AASS: variants seen among roughly 807,000 people sequenced by gnomAD.
AASS encodes the protein alpha-aminoadipic semialdehyde synthase, mitochondrial.
A neutral mutation model predicts 105.4 loss-of-function variants in AASS; 86 were observed. The ratio of observed to expected loss-of-function variants is 0.82; its 90% CI spans 0.69 to 0.98. The LOEUF (loss-of-function observed/expected upper bound fraction) is 0.98. AASS is among the 50% of genes least tolerant of loss of function. The pLI is 0.00. For synonymous variants in AASS, 381 were observed against 394.8 expected (o/e 0.96, Z 0.41); for missense variants, 1,048 against 1,143.2 (o/e 0.92, Z 1.20).
intron 1 of AASS, among the ~76,000 whole-genome samples, chr7:122,138,509 T>G (rs1033103540): frequency 9.9e-5 from 15 of 152,204 alleles, no homozygotes; most frequent in African/African-American, 3.4e-4. Context: ...AATATCTTAG[T>G]GTACTTTATT....
At chr7:122,135,693 G>A (rs1044058704) in intron 1 of AASS, among the ~76,000 whole-genome samples, 1 of 152,078 alleles carries the variant, frequency 6.6e-6, no homozygotes, top group Non-Finnish European at 1.5e-5. Flanking sequence ...CCAGAACCAG[G>A]GCTGCATATG....
chr7:122,140,485 C>CAAAAAAAAAAAAAAAA (rs57828681), intron 1 of AASS, among the ~76,000 whole-genome samples: 994 of 37,222 alleles, frequency 0.027, 118 homozygotes, highest in Non-Finnish European at 0.034. Flanking sequence ...GACTCAGTCT[C>CAAAAAAAAAAAAAAAA]AAAAAAAAAA....
In AASS at chr7:122,093,054, T is replaced by C; in HGVS notation, c.1760A>G (p.Glu587Gly). Reference protein sequence around the residue: ...SYITPALKELEKSVEDAGITI... With the variant: ...SYITPALKELGKSVEDAGITI... Reference sequence around the variant, plus strand: ...TAAAATGATTAAAACTTACCTCTTTTCCAATTCTTTTAGTGCTGGTGTGAT... The same window carrying C: ...TAAAATGATTAAAACTTACCTCTTTCCCAATTCTTTTAGTGCTGGTGTGAT... Residue 587 changes from glutamate to glycine, a missense_variant, in exon 16 of 24, where the codon GAA becomes GGA. By Grantham distance (98) the Glu-to-Gly change is moderately conservative. Coordinates refer to ENST00000417368, the MANE Select transcript of AASS (RefSeq NM_005763.4). 1 of 1,613,762 alleles carries C rather than the reference T, an allele frequency of 6.2e-7. No homozygotes were observed. The highest frequency in any genetic ancestry group is 8.5e-7 in the Non-Finnish European group (1 of 1,179,668).
chr7:122,126,285 T>C, intron 4 of AASS, 90 bp downstream of exon 4: 1 of 1,107,950 alleles, frequency 9.0e-7, no homozygotes, highest in Non-Finnish European at 1.4e-6. Flanking sequence ...AAATAAACAC[T>C]CCTATCCCCT....
At chr7:122,114,600 G>A (rs1484652307) in intron 9 of AASS, among the ~76,000 whole-genome samples, 1 of 152,112 alleles carries the variant, frequency 6.6e-6, no homozygotes, top group Admixed American at 6.6e-5. Flanking sequence ...TCATAAACAC[G>A]AGAAAATAAA....
chr7:122,126,899 CTATTACCTCTTTCTTGCATCATCCA>C (rs1795680279), intron 3 of AASS, among the ~76,000 whole-genome samples: 1 of 152,156 alleles, frequency 6.6e-6, no homozygotes, highest in African/African-American at 2.4e-5. Flanking sequence ...TCTTCTTGAA[CTATTACCTCTTTCTTGCATCATCCA>C]TCTTTACATT....
intron 8 of AASS, among the ~76,000 whole-genome samples, chr7:122,115,715 C>T (rs1795134776): frequency 6.6e-6 from 1 of 152,118 alleles, no homozygotes; most frequent in Non-Finnish European, 1.5e-5. Flanking sequence ...GTGCTACATA[C>T]ATGCATACAT....
At position 122,079,769 on chromosome 7, in the gene AASS, G is replaced by A. The variant is rs1206369; in HGVS notation, c.2281-57C>T. Reference sequence around the variant, plus strand: ...GTCCCTAACAAATTTTTTTTTAATTGACTGAAAAATTATCCTACTAAAACA... The same window carrying A: ...GTCCCTAACAAATTTTTTTTTAATTAACTGAAAAATTATCCTACTAAAACA... On this transcript the variant is annotated intron_variant, in intron 20 of 23. Transcript: ENST00000417368. 0.56 allele frequency: 662,411 copies of A among 1,193,446 alleles called. 188,748 individuals carry two copies. Among genetic ancestry groups the A allele is most frequent in the African/African-American group, 0.89 (59,029 of 66,126 alleles). 73.9% of individuals were successfully genotyped at this position (1,193,446 alleles called of 1,614,324 possible).
intron 1 of AASS, among the ~76,000 whole-genome samples, chr7:122,139,497 AT>A (rs891061965): frequency 6.6e-6 from 1 of 151,880 alleles, no homozygotes; most frequent in Non-Finnish European, 1.5e-5. Context: ...GAAATAGGGG[AT>A]TTTTTTCTGT....
Position 122,116,728 on chromosome 7 carries a change from G to A in AASS, c.799C>T (p.Arg267Cys), listed in dbSNP as rs1795195895. The change falls in exon 8 of 24, where the codon CGT (arginine) becomes TGT (cysteine). Residue 267 changes from arginine to cysteine, a missense_variant. Transcript: ENST00000417368. ...GTTTTCCTGACAAGATGATGATGAC[G>A]ACTTAACACCGTCCCATACACTTTT... is the stretch of plus-strand genomic sequence containing the variant. ...LRKVYGTVLS[R>C]HHHLVRKTDA... The A allele has an allele frequency of 2.5e-6, 4 of 1,613,932 alleles. No individual in the cohort carries two copies. The highest frequency in any genetic ancestry group is 2.7e-5 in the African/African-American group (2 of 74,896).
In AASS at chr7:122,076,409, G is replaced by T. The variant is rs1793009644; in HGVS notation, c.*80C>A. The stretch of plus-strand genomic sequence containing the variant: ...ATATTATGCTTTATACTTTAAAACA[G>T]CACATTAGCAAACCCATTTATCACA... On this transcript the variant is annotated 3_prime_UTR_variant, in exon 24 of 24. Transcript: ENST00000417368. The T allele has an allele frequency of 3.3e-6, 3 of 913,552 alleles. No homozygotes were observed. The highest frequency in any genetic ancestry group is 2.4e-5 in the East Asian group (1 of 41,712). 56.6% of individuals were successfully genotyped at this position (913,552 alleles called of 1,614,324 possible).
At chr7:122,081,668 A>G in intron 19 of AASS, 73 bp from the exon 20 acceptor site, 1 of 1,003,872 alleles carries the variant, frequency 1.0e-6, no homozygotes, top group South Asian at 1.3e-5. Context: ...ATTTTTGAAA[A>G]GAGGGATATA....
At chr7:122,129,585 C>T (rs1489783397) in intron 2 of AASS, 48 bp from the exon 3 acceptor site, 1 of 1,581,762 alleles carries the variant, frequency 6.3e-7, no homozygotes, top group Non-Finnish European at 8.7e-7. Context: ...TTTGTAATAT[C>T]CATGTTTTCT....
chr7:122,143,508 T>G (rs745831117), intron 1 of AASS, among the ~76,000 whole-genome samples: 1 of 151,206 alleles, frequency 6.6e-6, no homozygotes, highest in African/African-American at 2.4e-5. Flanking sequence ...ATGGGCTGCA[T>G]AGTCCCGCAG....
At chr7:122,104,502 A>G (rs1235963864) in intron 11 of AASS, among the ~76,000 whole-genome samples, 1 of 152,118 alleles carries the variant, frequency 6.6e-6, no homozygotes, top group African/African-American at 2.4e-5. Context: ...AAGCTGAGGC[A>G]GGAGAATTGC....
intron 11 of AASS, among the ~76,000 whole-genome samples, chr7:122,109,710 A>T (rs1001380661): frequency 2.0e-5 from 3 of 151,928 alleles, no homozygotes; most frequent in African/African-American, 7.2e-5. Context: ...GAAGAAAAAA[A>T]AAACACAGGG....
chr7:122,144,222 G>C lies in AASS; in HGVS notation c.-77C>G, dbSNP rs888456812. Reference sequence around the variant, plus strand: ...CCTCGAATCTTCCGAGTCGCTGCAGGGGAGGCTCCGAATTCCTAGAAGAAA... The same window carrying C: ...CCTCGAATCTTCCGAGTCGCTGCAGCGGAGGCTCCGAATTCCTAGAAGAAA... On this transcript the variant is annotated 5_prime_UTR_variant, in exon 1 of 24. Transcript: ENST00000417368. 1.3e-5 allele frequency: 2 copies of C among 152,462 alleles called. No individual in the cohort carries two copies. The highest frequency in any genetic ancestry group is 4.8e-5 in the African/African-American group (2 of 41,470). 9.4% of individuals were successfully genotyped at this position (152,462 alleles called of 1,614,324 possible). A position where few individuals can be genotyped will look rare whatever the true frequency, so the allele number is the denominator to read the frequency against.
intron 11 of AASS, among the ~76,000 whole-genome samples, chr7:122,107,433 C>T (rs1794717116): frequency 1.3e-5 from 2 of 152,124 alleles, no homozygotes; most frequent in Non-Finnish European, 2.9e-5. Flanking sequence ...AGGACACATA[C>T]ACATGCACAT....
intron 10 of AASS, 151 bp from the exon 11 acceptor site, chr7:122,113,380 A>G: frequency 1.0e-6 from 1 of 986,568 alleles, no homozygotes; most frequent in Non-Finnish European, 1.5e-6. Context: ...TTTCAAACAA[A>G]ACGTTTTCCT....
Sources: allele counts gnomAD v4.1 joint callset (sites outside exome capture counted in the v4.1 genomes callset), GRCh38; gene constraint gnomAD v4.1.1; transcripts MANE v1.5; gene names NCBI Gene and HGNC (gene_info 2026-07-23, HGNC 2026-07-21).